Variants in AIG1 observed in about 807,000 individuals in gnomAD.
AIG1 encodes the protein androgen-induced gene 1 protein.
In AIG1, 23 loss-of-function variants were observed where a neutral mutation model predicts 31.4. The observed-to-expected ratio is 0.73, with a 90% confidence interval of 0.53 to 1.04. The LOEUF (loss-of-function observed/expected upper bound fraction) is 1.04, where lower values mean the gene tolerates loss of function less well. AIG1 is among the 50% of genes least tolerant of loss of function. The probability of loss-of-function intolerance (pLI) is 0.00; values close to 1 mark genes in which losing one functional copy is unlikely to be tolerated. For missense variants in AIG1, 274 were observed against 295.0 expected, an observed-to-expected ratio of 0.93 and a Z score of 0.52; for synonymous variants, 100 against 110.5, an observed-to-expected ratio of 0.90 and a Z score of 0.60.
chr6:143,141,234 T>C (rs1444746149), intron 2 of AIG1, among the ~76,000 whole-genome samples: 1 of 152,194 alleles, frequency 6.6e-6, no homozygotes, highest in Non-Finnish European at 1.5e-5. Context: ...AGTCTCTTTC[T>C]TTCTCTCTCA....
intron 2 of AIG1, among the ~76,000 whole-genome samples, chr6:143,138,410 A>G (rs1783944064): frequency 6.6e-6 from 1 of 152,234 alleles, no homozygotes; most frequent in African/African-American, 2.4e-5. Flanking sequence ...TAAAAGAATT[A>G]TCTAGAAAAT....
At chr6:143,146,504 A>G (rs1446038620) in intron 2 of AIG1, among the ~76,000 whole-genome samples, 2 of 149,664 alleles carry the variant, frequency 1.3e-5, no homozygotes, top group East Asian at 2.0e-4. Flanking sequence ...TATCTCCCCA[A>G]CACCCCCATC....
chr6:143,318,689 A>T (rs1775958939), intron 4 of AIG1, among the ~76,000 whole-genome samples: 1 of 152,134 alleles, frequency 6.6e-6, no homozygotes, highest in African/African-American at 2.4e-5. Context: ...GAGTAAACAG[A>T]CAACCCACAG....
chr6:143,338,132 G>A lies in AIG1; in HGVS notation c.680-1507G>A, dbSNP rs1374110346. The A allele has an allele frequency of 2.5e-6, 1 of 397,824 alleles. No individual in the cohort carries two copies. Among genetic ancestry groups the A allele is most frequent in the East Asian group, 3.6e-5 (1 of 28,034 alleles). The allele number at this position is 397,824 out of a possible 1,614,324, so 24.6% of individuals were successfully genotyped here. A position where few individuals can be genotyped will look rare whatever the true frequency, so the allele number is the denominator to read the frequency against. ...GAAAAAACAGACTTTAAAAAGAAAA[G>A]CAAACTGCTCTTAGCCCCTGATAGC... On this transcript the variant is annotated intron_variant, in intron 5 of 5. Transcript: ENST00000357847. This position sits in a 1 kb window ranked among gnomAD's most constrained non-coding sequence, Gnocchi z 4.3.
intron 3 of AIG1, among the ~76,000 whole-genome samples, chr6:143,271,471 A>T (rs1796524122): frequency 1.3e-5 from 2 of 152,208 alleles, no homozygotes; most frequent in South Asian, 4.1e-4. Flanking sequence ...TCCATGTCAA[A>T]CATAATTGCT....
At chr6:143,211,380 A>G (rs1562493100) in intron 3 of AIG1, among the ~76,000 whole-genome samples, 2 of 152,216 alleles carry the variant, frequency 1.3e-5, no homozygotes, top group East Asian at 1.9e-4. Context: ...GGCTGGTGCT[A>G]TGAAGGAGAC....
In AIG1 at chr6:143,263,077, T is replaced by C. The variant is rs144809651; in HGVS notation, c.400-21033T>C. Among the ~76,000 whole-genome samples the C allele has an allele frequency of 1.6e-3, 238 of 152,310 alleles. 1 individual carries two copies. Among genetic ancestry groups the C allele is most frequent in the African/African-American group, 5.5e-3 (228 of 41,578 alleles). ...AAGCTTGAAATGACTCTTTTGGTCA[T>C]GATTATGTATAAGGAAGATCCGATT... On this transcript the variant is annotated intron_variant, in intron 3 of 5. Coordinates refer to ENST00000357847, the MANE Select transcript of AIG1 (RefSeq NM_016108.4).
At chr6:143,160,625 A>G (rs1447180421) in intron 2 of AIG1, among the ~76,000 whole-genome samples, 3 of 152,188 alleles carry the variant, frequency 2.0e-5, no homozygotes, top group Admixed American at 6.5e-5. Context: ...ACAACAGTGG[A>G]AGGTTTCAGT....
chr6:143,216,419 C>G (rs1792035098), intron 3 of AIG1, among the ~76,000 whole-genome samples: 1 of 152,146 alleles, frequency 6.6e-6, no homozygotes. Context: ...TGAAGAACAC[C>G]ATGCTGAGAA....
intron 4 of AIG1, among the ~76,000 whole-genome samples, chr6:143,313,326 A>T (rs1775462531): frequency 6.6e-6 from 1 of 152,214 alleles, no homozygotes; most frequent in African/African-American, 2.4e-5. Flanking sequence ...AGATGAATGG[A>T]TAAAGAAAAA....
intron 4 of AIG1, among the ~76,000 whole-genome samples, chr6:143,307,281 T>G (rs1249191192): frequency 1.3e-5 from 2 of 152,226 alleles, no homozygotes; most frequent in African/African-American, 4.8e-5. Context: ...GGCTCTCTGC[T>G]TTTTAGAGTT....
rs1423458578 is a variant in AIG1 at position 143,340,684 on chromosome 6, G to A, written c.*1008G>A. Among the ~76,000 whole-genome samples, 1 of 151,836 alleles carries A rather than the reference G, an allele frequency of 6.6e-6. No homozygotes were observed. ...TCACCTTGTTAGCCAGGATGGTCTC[G>A]ATCTCCTGACCTTGTGATCCACACG... On this transcript the variant is annotated 3_prime_UTR_variant, in exon 6 of 6. Transcript: ENST00000357847.
intron 3 of AIG1, among the ~76,000 whole-genome samples, chr6:143,235,922 G>T (rs1793770714): frequency 1.3e-5 from 2 of 152,164 alleles, no homozygotes; most frequent in South Asian, 4.2e-4. Flanking sequence ...TGGATCTAGG[G>T]AGGGCACCTC....
intron 3 of AIG1, among the ~76,000 whole-genome samples, chr6:143,192,087 G>T (rs1282420718): frequency 6.6e-6 from 1 of 152,160 alleles, no homozygotes; most frequent in Non-Finnish European, 1.5e-5. Flanking sequence ...TTGTTTAATT[G>T]CTTTAAACTT....
Position 143,334,491 on chromosome 6 carries a change from G to A in AIG1, c.679+1046G>A, listed in dbSNP as rs758049628. 2.0e-5 allele frequency among the ~76,000 whole-genome samples: 3 copies of A among 152,180 alleles called. No homozygotes were observed. Among genetic ancestry groups the A allele is most frequent in the South Asian group, 2.1e-4 (1 of 4,824 alleles). On this transcript the variant is annotated intron_variant, in intron 5 of 5. Transcript: ENST00000357847. The surrounding 1 kb of genome is among the most constrained non-coding windows in gnomAD (Gnocchi z 5.1). ...AGGGTATTAGCCAATGTTAAATGGC[G>A]CAGAGGAATTTGAGGGTTTCTTTTC... is the stretch of plus-strand genomic sequence containing the variant.
At chr6:143,221,217 G>T (rs756444574) in intron 3 of AIG1, among the ~76,000 whole-genome samples, 1 of 152,084 alleles carries the variant, frequency 6.6e-6, no homozygotes, top group Non-Finnish European at 1.5e-5. Flanking sequence ...TGAGTAATTC[G>T]TTTTGTCTAT....
At chr6:143,115,606 T>C (rs562425068) in intron 1 of AIG1, among the ~76,000 whole-genome samples, 1 of 152,326 alleles carries the variant, frequency 6.6e-6, no homozygotes, top group African/African-American at 2.4e-5. Context: ...CTACCTCTCA[T>C]AGTTACAGAC....
chr6:143,129,245 C>T (rs1005868184), intron 1 of AIG1, among the ~76,000 whole-genome samples: 6 of 152,114 alleles, frequency 3.9e-5, no homozygotes, highest in South Asian at 4.2e-4. Flanking sequence ...GAGCCGAGAT[C>T]GCACCACTGC....
intron 1 of AIG1, among the ~76,000 whole-genome samples, chr6:143,067,423 A>C (rs533011832): frequency 6.6e-6 from 1 of 152,174 alleles, no homozygotes; most frequent in Non-Finnish European, 1.5e-5. Flanking sequence ...AGATGAGGAT[A>C]AATAAAGTCT....
Sources: gnomAD v4.1 joint callset for allele counts (sites outside exome capture counted in the v4.1 genomes callset) on GRCh38, gnomAD v4.1.1 for gene constraint, Gnocchi (gnomAD v3.1) non-coding constraint, MANE v1.5 for transcripts, NCBI Gene and HGNC (gene_info 2026-07-23, HGNC 2026-07-21) for gene names.